Variants in PALB2 observed in about 807,000 individuals in gnomAD.
PALB2 encodes the protein mutant partner and localizer of BRCA2.
Under a neutral mutation model 107.4 loss-of-function variants are expected in PALB2, and 82 were observed. The ratio of observed to expected loss-of-function variants is 0.76; its 90% CI spans 0.64 to 0.92. The LOEUF (loss-of-function observed/expected upper bound fraction) is 0.92. PALB2 is among the 40% of genes least tolerant of loss of function. The pLI, the probability that PALB2 is intolerant of heterozygous loss-of-function variation, is 0.00. For synonymous variants in PALB2, 489 were observed against 496.8 expected (o/e 0.98, Z 0.21); for missense variants, 1,374 against 1,379.9 (o/e 1.00, Z 0.07).
Position 23,629,568 on chromosome 16 carries a change from AG to A in PALB2, c.2514+71del, listed in dbSNP as rs180177114. The A allele has an allele frequency of 4.0e-4, 571 of 1,443,934 alleles. 2 individuals carry two copies. In the African/African-American group the frequency reaches 6.9e-3, roughly 17 times the overall value. 89.4% of individuals were successfully genotyped at this position (1,443,934 alleles called of 1,614,324 possible). On this transcript the variant is annotated intron_variant, in intron 5 of 12. Transcript: ENST00000261584. The stretch of plus-strand genomic sequence containing the variant: ...ACGTGGAAGGCCCAATGCGCAAGCA[AG>A]TCATGCTGTTTACATTCACTAAGGC...
intron 4 of PALB2, among the ~76,000 whole-genome samples, chr16:23,632,096 T>C (rs1966883459): frequency 6.6e-6 from 1 of 152,144 alleles, no homozygotes; most frequent in Non-Finnish European, 1.5e-5. Context: ...TAGTCAGCCA[T>C]AAAGAGGAAC....
rs1169756751 is a variant in PALB2 at position 23,630,268 on chromosome 16, G to C, written c.1886C>G (p.Ser629Cys). The C allele has an allele frequency of 6.2e-7, 1 of 1,614,056 alleles. No homozygotes were observed. The highest frequency in any genetic ancestry group is 8.5e-7 in the Non-Finnish European group (1 of 1,179,984). The stretch of plus-strand genomic sequence containing the variant: ...GGGCTCCACTGGTTTTTCTGAGCAG[G>C]ACTTCACTTTTTCAAGCTTAAGAGG... ...FGPLKLEKVK[S>C]CSEKPVEPFE... Residue 629 changes from serine (S) to cysteine (C), a missense_variant, in exon 5 of 13, where the codon TCC becomes TGC. Transcript: ENST00000261584.
rs2142444897 is a variant in PALB2, at chr16:23,636,173, G to A, written c.373C>T (p.Gln125Ter). The change falls in exon 4 of 13, where the codon CAA becomes TAA. Residue 125 changes from glutamine (Q) to a stop codon, truncating the protein, a stop_gained. Transcript: ENST00000261584. LOFTEE classifies it high-confidence loss of function. ...CTGACCCTGTGGGGAAAATGTTCTT[G>A]GGTGTCATCTGTTCTTTGTATAGGT... ...GLPIQRTDDTQEHFPHRVSDP... is the reference protein window; with the variant it reads ...GLPIQRTDDT 6.2e-7 allele frequency: 1 copy of A among 1,612,434 alleles called. No homozygotes were observed. The highest frequency in any genetic ancestry group is 1.1e-5 in the South Asian group (1 of 90,770).
intron 6 of PALB2, among the ~76,000 whole-genome samples, chr16:23,628,257 G>C (rs1296959347): frequency 6.6e-6 from 1 of 152,116 alleles, no homozygotes; most frequent in African/African-American, 2.4e-5. Flanking sequence ...TATTAAAATT[G>C]ACTCAAGAAT....
intron 7 of PALB2, among the ~76,000 whole-genome samples, chr16:23,625,434 G>A (rs1038618019): frequency 1.3e-5 from 2 of 152,174 alleles, no homozygotes; most frequent in African/African-American, 2.4e-5. Context: ...GGGAGGCTGA[G>A]GCAGGCGGAT....
Position 23,635,569 on chromosome 16 carries a change from G to T in PALB2, c.977C>A (p.Ser326Ter). ...PTSSNLEANI[S>*]CSLNELTYNN... ...GTAGGTGAGTTCATTTAGAGAACATGAAATATTTGCCTCTAAATTAGAACT... is the reference window on the plus strand; with the variant it reads ...GTAGGTGAGTTCATTTAGAGAACATTAAATATTTGCCTCTAAATTAGAACT... Residue 326 changes from serine (S) to a stop codon, truncating the protein, a stop_gained, in exon 4 of 13, where the codon TCA becomes TAA. Transcript: ENST00000261584. LOFTEE classifies it high-confidence loss of function. 6.2e-7 allele frequency: 1 copy of T among 1,612,880 alleles called. No individual in the cohort carries two copies. The highest frequency in any genetic ancestry group is 8.5e-7 in the Non-Finnish European group (1 of 1,179,318).
intron 4 of PALB2, among the ~76,000 whole-genome samples, chr16:23,633,099 A>G (rs1292454303): frequency 6.6e-6 from 1 of 152,204 alleles, no homozygotes; most frequent in Non-Finnish European, 1.5e-5. Flanking sequence ...TCTCAACAAC[A>G]ATAAAAAAAA....
intron 4 of PALB2, 99 bp downstream of exon 4, chr16:23,634,763 T>G: frequency 2.7e-6 from 4 of 1,503,216 alleles, no homozygotes; most frequent in Non-Finnish European, 3.6e-6. Flanking sequence ...CACTTGGCCC[T>G]GTCACTTTTT....
intron 7 of PALB2, among the ~76,000 whole-genome samples, 198 bp downstream of exon 7, chr16:23,626,038 T>G (rs1254279112): frequency 1.3e-5 from 2 of 151,780 alleles, no homozygotes; most frequent in African/African-American, 4.8e-5. Context: ...AATGGTAGAG[T>G]CTAGAATGGT....
At chr16:23,608,860 G>GAT (rs1966531954) in intron 11 of PALB2, among the ~76,000 whole-genome samples, 1 of 121,024 alleles carries the variant, frequency 8.3e-6, no homozygotes, top group South Asian at 2.6e-4. Context: ...ACGGAGTTTC[G>GAT]CTCGTTGCCC....
At chr16:23,633,417 A>G (rs249941) in intron 4 of PALB2, among the ~76,000 whole-genome samples, 133,455 of 152,232 alleles carry the variant, frequency 0.88, 58,905 homozygotes, top group East Asian at 1. Context: ...GACAGACAGA[A>G]CACAAAGACT....
At chr16:23,640,969 T>C (rs1967221149) in intron 1 of PALB2, 141 bp downstream of exon 1, 1 of 925,860 alleles carries the variant, frequency 1.1e-6, no homozygotes, top group Non-Finnish European at 1.6e-6. Flanking sequence ...ATTTTCATTT[T>C]CTGTGCCCCC....
At chr16:23,620,910 T>TA (rs1966760858) in intron 10 of PALB2, among the ~76,000 whole-genome samples, 2 of 152,012 alleles carry the variant, frequency 1.3e-5, no homozygotes, top group Non-Finnish European at 1.5e-5. Context: ...CCTTCTCTAC[T>TA]AAAAAATACA....
chr16:23,607,751 A>T, intron 12 of PALB2, 113 bp downstream of exon 12: 2 of 1,239,508 alleles, frequency 1.6e-6, no homozygotes, highest in Non-Finnish European at 2.4e-6. Flanking sequence ...ATCATGATAT[A>T]TAGTATTTCA....
chr16:23,621,858 C>T lies in PALB2; in HGVS notation c.2997-380G>A, dbSNP rs117691965. Among the ~76,000 whole-genome samples the T allele has an allele frequency of 4.1e-3, 619 of 152,196 alleles. 1 individual carries two copies. Among genetic ancestry groups the T allele is most frequent in the South Asian group, 0.014 (66 of 4,808 alleles). ...GGAGACAAGGATAATACCCACATTT[C>T]GAGCTTGGTCACCACTCAAGTGACC... On this transcript the variant is annotated intron_variant, in intron 9 of 12. Coordinates refer to ENST00000261584, the MANE Select transcript of PALB2 (RefSeq NM_024675.4).
At chr16:23,639,672 T>C (rs777401357) in intron 1 of PALB2, among the ~76,000 whole-genome samples, 3 of 151,260 alleles carry the variant, frequency 2.0e-5, no homozygotes, top group Non-Finnish European at 4.4e-5. Context: ...ATACAAAAAT[T>C]AGCCCGGCGT....
chr16:23,636,398 T>C, intron 3 of PALB2, 64 bp from the exon 4 acceptor site: 1 of 1,087,226 alleles, frequency 9.2e-7, no homozygotes, highest in African/African-American at 1.6e-5. Context: ...AAAATACTCA[T>C]TTTTAACCTA....
At chr16:23,608,126 G>A in intron 11 of PALB2, 114 bp from the exon 12 acceptor site, 2 of 1,150,082 alleles carry the variant, frequency 1.7e-6, no homozygotes, top group Non-Finnish European at 2.5e-6. Context: ...GATAGGCTCT[G>A]AAGTATCCAG....
chr16:23,641,084 G>A (rs748775669), intron 1 of PALB2, 26 bp downstream of exon 1: 1 of 1,611,660 alleles, frequency 6.2e-7, no homozygotes, highest in Non-Finnish European at 8.5e-7. Flanking sequence ...AGAGTCCTGC[G>A]TCCGCCCTTC....
Sources: allele counts gnomAD v4.1 joint callset (sites outside exome capture counted in the v4.1 genomes callset), GRCh38; gene constraint gnomAD v4.1.1; transcripts MANE v1.5; gene names NCBI Gene and HGNC (gene_info 2026-07-23, HGNC 2026-07-21).